The following FKBP1B variants were observed in gnomAD, a reference collection of about 807,000 sequenced individuals.
FKBP1B encodes the protein FKBP prolyl isomerase 1B.
FKBP1B carries 4 observed loss-of-function variants against 13.5 expected under a neutral mutation model. That is an observed-to-expected ratio of 0.30 (90% confidence interval 0.15 to 0.68). FKBP1B has a LOEUF of 0.68. Among genes scored for constraint, FKBP1B ranks in the 30% least tolerant of loss-of-function variants. The pLI, the probability that FKBP1B is intolerant of heterozygous loss-of-function variation, is 0.76. For missense variants in FKBP1B, 93 were observed against 136.2 expected (o/e 0.68, Z 1.58); for synonymous variants, 54 against 53.6 (o/e 1.01, Z -0.03).
chr2:24,039,570 A>G, the FKBP1B span: 2 of 1,506,014 alleles, frequency 1.3e-6, no homozygotes, highest in East Asian at 2.3e-5. Context: ...TCTAGAATGT[A>G]GGACATTTGG....
intron 2 of FKBP1B, among the ~76,000 whole-genome samples, chr2:24,059,443 A>T (rs1664287348): frequency 6.6e-6 from 1 of 151,900 alleles, no homozygotes; most frequent in African/African-American, 2.4e-5. Context: ...CAGCTAGGTC[A>T]CCTTACACTG....
the FKBP1B span, among the ~76,000 whole-genome samples, chr2:24,043,533 C>G: frequency 6.6e-6 from 1 of 152,254 alleles, no homozygotes; most frequent in South Asian, 2.1e-4. Flanking sequence ...CAACAATCTA[C>G]AAACATATAT....
At chr2:24,055,140 C>T (rs1409217881) in intron 2 of FKBP1B, among the ~76,000 whole-genome samples, 1 of 151,872 alleles carries the variant, frequency 6.6e-6, no homozygotes. Context: ...AAAAGTCCCC[C>T]TGATGCCTTC....
At chr2:24,037,834 G>C in the FKBP1B span, 1 of 1,614,212 alleles carries the variant, frequency 6.2e-7, no homozygotes, top group Non-Finnish European at 8.5e-7. Context: ...CAGCTGATAA[G>C]TTTCCTTTTC....
chr2:24,049,544 T>G, upstream of FKBP1B: 2 of 303,980 alleles, frequency 6.6e-6, no homozygotes, highest in East Asian at 5.1e-5. Context: ...GAGGATGTGG[T>G]TGTGCTTACC....
At chr2:24,043,320 A>C in the FKBP1B span, among the ~76,000 whole-genome samples, 4,620 of 152,220 alleles carry the variant, frequency 0.03, 125 homozygotes, top group Middle Eastern at 0.071. Flanking sequence ...TGGACAACAG[A>C]GTGAGACTCG....
At chr2:24,045,235 A>G (rs1215441319), upstream of FKBP1B, among the ~76,000 whole-genome samples, 1 of 152,230 alleles carries the variant, frequency 6.6e-6, no homozygotes, top group Non-Finnish European at 1.5e-5. Context: ...GGAAAAAAGA[A>G]TTAAGGATAA....
chr2:24,047,846 C>A (rs1242476943), upstream of FKBP1B, among the ~76,000 whole-genome samples: 2 of 152,246 alleles, frequency 1.3e-5, no homozygotes, highest in Non-Finnish European at 2.9e-5. Context: ...TGTTCTACCC[C>A]GACCCTAAGC....
At chr2:24,061,691 C>A (rs1444061885) in intron 3 of FKBP1B, among the ~76,000 whole-genome samples, 3 of 152,204 alleles carry the variant, frequency 2.0e-5, no homozygotes, top group African/African-American at 7.2e-5. Context: ...CACACTGATA[C>A]AAATTACTTA....
At chr2:24,043,274 T>TA in the FKBP1B span, among the ~76,000 whole-genome samples, 1 of 152,286 alleles carries the variant, frequency 6.6e-6, no homozygotes, top group South Asian at 2.1e-4. Flanking sequence ...AGGCAGATGT[T>TA]ACGGTAAGCC....
chr2:24,055,340 A>T (rs1664076570), intron 2 of FKBP1B, among the ~76,000 whole-genome samples: 1 of 151,956 alleles, frequency 6.6e-6, no homozygotes, highest in Non-Finnish European at 1.5e-5. Flanking sequence ...TGTCCTGACT[A>T]GCTGGGACCA....
At chr2:24,054,841 A>G (rs1216867383) in intron 2 of FKBP1B, among the ~76,000 whole-genome samples, 1 of 152,224 alleles carries the variant, frequency 6.6e-6, no homozygotes, top group South Asian at 2.1e-4. Flanking sequence ...ACAATTTTGC[A>G]TGTTGTAGAC....
Position 24,049,809 on chromosome 2 carries a change from A to G in FKBP1B, c.-41A>G. 1 of 1,330,366 alleles carries G rather than the reference A, an allele frequency of 7.5e-7. No individual in the cohort carries two copies. Among genetic ancestry groups the G allele is most frequent in the East Asian group, 3.1e-5 (1 of 32,290 alleles). 82.4% of individuals were successfully genotyped at this position (1,330,366 alleles called of 1,614,324 possible). A position where few individuals can be genotyped will look rare whatever the true frequency, so the allele number is the denominator to read the frequency against. ...GGCCGGAGCCGAGCCGGGGTCGGGC[A>G]GCAGCAGGGACCCCCCAGAGGCGGG... On this transcript the variant is annotated 5_prime_UTR_variant, in exon 1 of 4. Coordinates refer to ENST00000380986, the MANE Select transcript of FKBP1B (RefSeq NM_004116.5).
the FKBP1B span, among the ~76,000 whole-genome samples, chr2:24,034,922 T>G: frequency 6.6e-6 from 1 of 151,894 alleles, no homozygotes; most frequent in South Asian, 2.1e-4. Flanking sequence ...AAATTTTACA[T>G]TTATAAGTGT....
chr2:24,043,899 A>AG, the FKBP1B span, among the ~76,000 whole-genome samples: 3 of 151,454 alleles, frequency 2.0e-5, no homozygotes, highest in East Asian at 1.9e-4. Flanking sequence ...AAAAAAAAAA[A>AG]GGGTCTATTA....
At chr2:24,041,972 C>T in the FKBP1B span, among the ~76,000 whole-genome samples, 1 of 150,596 alleles carries the variant, frequency 6.6e-6, no homozygotes, top group South Asian at 2.1e-4. Context: ...ATAAAAAATA[C>T]TATTTAATGT....
At chr2:24,041,576 C>CAA in the FKBP1B span, among the ~76,000 whole-genome samples, 1 of 151,914 alleles carries the variant, frequency 6.6e-6, no homozygotes, top group African/African-American at 2.4e-5. Flanking sequence ...CCAGCACTTA[C>CAA]ACCCATTACA....
At chr2:24,049,713 C>T (rs2150958654), upstream of FKBP1B, 1 of 627,058 alleles carries the variant, frequency 1.6e-6, no homozygotes, top group Non-Finnish European at 2.3e-6. Context: ...GCGCAGGTCC[C>T]GACTCCAGCC....
At chr2:24,060,289 G>A (rs965456678) in intron 2 of FKBP1B, among the ~76,000 whole-genome samples, 2 of 151,988 alleles carry the variant, frequency 1.3e-5, no homozygotes, top group African/African-American at 2.4e-5. Flanking sequence ...AGTGGCTCAT[G>A]CTTGTAATCC....
Sources: allele counts gnomAD v4.1 joint callset (sites outside exome capture counted in the v4.1 genomes callset), GRCh38; gene constraint gnomAD v4.1.1; transcripts MANE v1.5; gene names NCBI Gene and HGNC (gene_info 2026-07-23, HGNC 2026-07-21).